The following MARCHF1 variants were observed in gnomAD, a reference collection of about 807,000 sequenced individuals.
The protein encoded by MARCHF1 is E3 ubiquitin-protein ligase MARCHF1.
In MARCHF1, 40 loss-of-function variants were observed where a neutral mutation model predicts 54.2. The ratio of observed to expected loss-of-function variants is 0.74; its 90% CI spans 0.57 to 0.96. The LOEUF (loss-of-function observed/expected upper bound fraction) is 0.96, where lower values mean the gene tolerates loss of function less well. Among genes scored for constraint, MARCHF1 ranks in the 40% least tolerant of loss-of-function variants. The pLI is 0.00. For missense variants in MARCHF1, 586 were observed against 656.5 expected (o/e 0.89, Z 1.17); for synonymous variants, 236 against 236.3 (o/e 1.00, Z 0.01).
intron 3 of MARCHF1, among the ~76,000 whole-genome samples, chr4:163,857,787 T>C (rs982096842): frequency 6.6e-6 from 1 of 152,164 alleles, no homozygotes; most frequent in Admixed American, 6.6e-5. Context: ...CTGAACATTT[T>C]CTTTGTTCCA....
At chr4:164,259,170 ACTC>A (rs978414215) in intron 1 of MARCHF1, among the ~76,000 whole-genome samples, 1 of 151,948 alleles carries the variant, frequency 6.6e-6, no homozygotes, top group Non-Finnish European at 1.5e-5. Context: ...GGCAGATCAT[ACTC>A]CTCCGAAATT....
intron 2 of MARCHF1, among the ~76,000 whole-genome samples, chr4:164,024,220 T>C (rs567720015): frequency 1.3e-5 from 2 of 152,042 alleles, no homozygotes; most frequent in South Asian, 4.2e-4. Context: ...GACATACAAA[T>C]CCAAGAAATA....
chr4:163,752,337 A>G (rs1358203354), intron 4 of MARCHF1, among the ~76,000 whole-genome samples: 1 of 152,184 alleles, frequency 6.6e-6, no homozygotes. Flanking sequence ...TTCAACTTGG[A>G]TGACATTATT....
In MARCHF1 at chr4:163,613,297, AT is replaced by A; in HGVS notation, c.242+16del. The A allele has an allele frequency of 6.3e-7, 1 of 1,591,392 alleles. No homozygotes were observed. Among genetic ancestry groups the A allele is most frequent in the Non-Finnish European group, 8.5e-7 (1 of 1,171,884 alleles). On this transcript the variant is annotated intron_variant, in intron 6 of 9. Coordinates refer to ENST00000514618, the MANE Select transcript of MARCHF1 (RefSeq NM_001394959.1). The stretch of plus-strand genomic sequence containing the variant: ...GATCCAAAGAATATAGATTAAGATA[AT>A]TTGTTCAGCACTTACCTGCAGATGT...
chr4:164,247,980 C>T (rs1733005882), intron 1 of MARCHF1, among the ~76,000 whole-genome samples: 1 of 151,280 alleles, frequency 6.6e-6, no homozygotes, highest in Non-Finnish European at 1.5e-5. Context: ...TACAATCTAC[C>T]ACACTGTCTC....
At chr4:163,920,953 C>T (rs1208245081) in intron 3 of MARCHF1, among the ~76,000 whole-genome samples, 3 of 152,094 alleles carry the variant, frequency 2.0e-5, no homozygotes, top group African/African-American at 7.2e-5. Flanking sequence ...TGTAGCCAAA[C>T]TGGCTACAAT....
intron 8 of MARCHF1, among the ~76,000 whole-genome samples, chr4:163,577,849 T>C (rs1295989415): frequency 6.6e-6 from 1 of 151,998 alleles, no homozygotes; most frequent in African/African-American, 2.4e-5. Context: ...TCTGAAATTC[T>C]TTCTTCTGCT....
chr4:164,241,332 C>T (rs1441055321), intron 1 of MARCHF1, among the ~76,000 whole-genome samples: 1 of 152,160 alleles, frequency 6.6e-6, no homozygotes, highest in African/African-American at 2.4e-5. Flanking sequence ...CACTCAGCTG[C>T]CCTGCGATAA....
At chr4:164,222,646 A>AAGAG (rs1228216450) in intron 1 of MARCHF1, among the ~76,000 whole-genome samples, 3 of 151,226 alleles carry the variant, frequency 2.0e-5, no homozygotes, top group African/African-American at 4.8e-5. Context: ...GGGAACCAGG[A>AAGAG]AGAGAGAGAG....
At chr4:164,236,618 C>G (rs1732568154) in intron 1 of MARCHF1, among the ~76,000 whole-genome samples, 1 of 152,100 alleles carries the variant, frequency 6.6e-6, no homozygotes, top group Non-Finnish European at 1.5e-5. Context: ...AAGCTGGGAA[C>G]ATGTGCATTG....
chr4:164,284,334 CAGAGAGAGAGAGAGAG>C (rs139533400), intron 1 of MARCHF1, among the ~76,000 whole-genome samples: 1 of 117,560 alleles, frequency 8.5e-6, no homozygotes, highest in Non-Finnish European at 1.8e-5. Flanking sequence ...GAGAGAGAGA[CAGAGAGAGAGAGAGAG>C]AGAGAGAGAG....
intron 2 of MARCHF1, among the ~76,000 whole-genome samples, chr4:164,060,713 G>A (rs1308111014): frequency 1.3e-5 from 2 of 151,986 alleles, no homozygotes; most frequent in Admixed American, 6.6e-5. Flanking sequence ...ATAAGTAAAC[G>A]TTACAAGGAG....
chr4:164,195,830 C>T (rs1473591116), intron 1 of MARCHF1, among the ~76,000 whole-genome samples: 1 of 152,044 alleles, frequency 6.6e-6, no homozygotes, highest in Non-Finnish European at 1.5e-5. Context: ...TGAGTCTTTA[C>T]TGAAATTCTA....
rs1457978241 is a variant in MARCHF1, at chr4:163,526,892, A to ACTAT, written c.*1852_*1855dup. On this transcript the variant is annotated 3_prime_UTR_variant, in exon 10 of 10. Transcript: ENST00000514618. ...CTTTTGTTTATTTCTAGGAATCAAGACTATCTGGACTCAGTGTCAGCCACT... is the reference window on the plus strand; with the variant it reads ...CTTTTGTTTATTTCTAGGAATCAAGACTATCTATCTGGACTCAGTGTCAGCCACT... 2 of 151,834 alleles carry ACTAT rather than the reference A, an allele frequency of 1.3e-5. No individual in the cohort carries two copies. The highest frequency in any genetic ancestry group is 1.5e-5 in the Non-Finnish European group (1 of 67,902). The allele number at this position is 151,834 out of a possible 1,614,324, so 9.4% of individuals were successfully genotyped here. A position where few individuals can be genotyped will look rare whatever the true frequency, so the allele number is the denominator to read the frequency against.
intron 4 of MARCHF1, among the ~76,000 whole-genome samples, chr4:163,768,416 T>A (rs1310283965): frequency 6.6e-6 from 1 of 152,162 alleles, no homozygotes; most frequent in Non-Finnish European, 1.5e-5. Flanking sequence ...ATTACAAAGT[T>A]ATGAGCATAT....
intron 8 of MARCHF1, among the ~76,000 whole-genome samples, chr4:163,581,698 T>C (rs757653058): frequency 2.9e-4 from 44 of 152,202 alleles, no homozygotes; most frequent in Non-Finnish European, 5.4e-4. Flanking sequence ...GCATGTCAAC[T>C]ACAGCACTGT....
At chr4:163,558,145 AG>A (rs1181889878) in intron 8 of MARCHF1, among the ~76,000 whole-genome samples, 3 of 152,234 alleles carry the variant, frequency 2.0e-5, no homozygotes, top group African/African-American at 7.2e-5. Flanking sequence ...GGCACAGGTG[AG>A]GGGGGAAGAG....
intron 8 of MARCHF1, among the ~76,000 whole-genome samples, chr4:163,569,925 A>C (rs565181934): frequency 6.6e-6 from 1 of 152,328 alleles, no homozygotes; most frequent in East Asian, 1.9e-4. Flanking sequence ...AAGTAGGCAT[A>C]AGATAAATAT....
chr4:164,070,197 G>T (rs1341661823), intron 2 of MARCHF1, among the ~76,000 whole-genome samples: 1 of 152,128 alleles, frequency 6.6e-6, no homozygotes. Flanking sequence ...ATATACCCAT[G>T]CAGTGAACCT....
Sources: allele counts gnomAD v4.1 joint callset (sites outside exome capture counted in the v4.1 genomes callset), GRCh38; gene constraint gnomAD v4.1.1; transcripts MANE v1.5; gene names NCBI Gene and HGNC (gene_info 2026-07-23, HGNC 2026-07-21).